The following LHFPL6 variants were observed in gnomAD, a reference collection of about 807,000 sequenced individuals.
LHFPL6 encodes the protein LHFPL tetraspan subfamily member 6.
LHFPL6 carries 9 observed loss-of-function variants against 20.6 expected under a neutral mutation model. The observed-to-expected ratio is 0.44, with a 90% CI of 0.26 to 0.76. The LOEUF (loss-of-function observed/expected upper bound fraction) is 0.76, where lower values mean the gene tolerates loss of function less well. Among genes scored for constraint, LHFPL6 ranks in the 30% least tolerant of loss-of-function variants. The pLI is 0.20. For missense variants in LHFPL6, 218 were observed against 253.5 expected, an observed-to-expected ratio of 0.86 and a Z score of 0.95; for synonymous variants, 105 against 98.7, an observed-to-expected ratio of 1.06 and a Z score of -0.38.
intron 3 of LHFPL6, among the ~76,000 whole-genome samples, chr13:39,352,800 C>A: frequency 1.5e-5 from 2 of 135,856 alleles, no homozygotes; most frequent in Admixed American, 7.6e-5. Context: ...GTTGAAGGAT[C>A]AGTAGAAAGA....
intron 3 of LHFPL6, among the ~76,000 whole-genome samples, chr13:39,368,050 G>C (rs1340913113): frequency 6.6e-6 from 1 of 152,202 alleles, no homozygotes; most frequent in East Asian, 1.9e-4. Context: ...ATCCAGCCAG[G>C]CATGGTGGCT....
chr13:39,419,487 G>C (rs1471238045), intron 2 of LHFPL6, among the ~76,000 whole-genome samples: 6 of 152,304 alleles, frequency 3.9e-5, no homozygotes, highest in Admixed American at 3.9e-4. Context: ...AAAGTGAAAA[G>C]CTTTATAACC....
At chr13:39,370,530 A>G (rs2138353255) in intron 3 of LHFPL6, among the ~76,000 whole-genome samples, 1 of 152,376 alleles carries the variant, frequency 6.6e-6, no homozygotes, top group East Asian at 1.9e-4. Context: ...CAACCTCCCA[A>G]ATAGCAATCT....
At chr13:39,551,965 A>T (rs1314809241) in intron 2 of LHFPL6, among the ~76,000 whole-genome samples, 4 of 152,164 alleles carry the variant, frequency 2.6e-5, no homozygotes, top group Non-Finnish European at 5.9e-5. Flanking sequence ...CTGAATAATG[A>T]CTCAGAATAT....
At chr13:39,390,820 C>T (rs1406664729) in intron 2 of LHFPL6, among the ~76,000 whole-genome samples, 3 of 152,030 alleles carry the variant, frequency 2.0e-5, no homozygotes, top group Non-Finnish European at 4.4e-5. Flanking sequence ...CATGGTGAAA[C>T]CCCATCTATA....
intron 2 of LHFPL6, among the ~76,000 whole-genome samples, chr13:39,469,872 T>C (rs1007910123): frequency 5.3e-5 from 8 of 152,212 alleles, no homozygotes; most frequent in African/African-American, 1.9e-4. Context: ...CAACCAGTTG[T>C]AGTCCCAGAG....
At chr13:39,595,074 A>G (rs1163548909) in intron 2 of LHFPL6, among the ~76,000 whole-genome samples, 1 of 152,152 alleles carries the variant, frequency 6.6e-6, no homozygotes, top group Non-Finnish European at 1.5e-5. Context: ...ATAGGTAACA[A>G]ACCTGCACGT....
chr13:39,591,460 T>G (rs1222400776), intron 2 of LHFPL6, among the ~76,000 whole-genome samples: 1 of 152,156 alleles, frequency 6.6e-6, no homozygotes, highest in African/African-American at 2.4e-5. Flanking sequence ...CAACAATAAA[T>G]GCATCTGTTC....
chr13:39,474,224 T>C (rs2138439308), intron 2 of LHFPL6, among the ~76,000 whole-genome samples: 1 of 152,344 alleles, frequency 6.6e-6, no homozygotes, highest in Middle Eastern at 3.4e-3. Flanking sequence ...TTAAGCAATA[T>C]CACTTTGGAA....
At chr13:39,520,230 T>G (rs1018609610) in intron 2 of LHFPL6, among the ~76,000 whole-genome samples, 12 of 152,110 alleles carry the variant, frequency 7.9e-5, no homozygotes, top group African/African-American at 2.9e-4. Flanking sequence ...GCCTCTACAC[T>G]GGAACAAACA....
At chr13:39,534,907 G>A (rs1870569057) in intron 2 of LHFPL6, among the ~76,000 whole-genome samples, 1 of 151,982 alleles carries the variant, frequency 6.6e-6, no homozygotes, top group Non-Finnish European at 1.5e-5. Flanking sequence ...CCATAAACTG[G>A]GTGTTTTAAA....
At chr13:39,425,508 T>C (rs576468925) in intron 2 of LHFPL6, among the ~76,000 whole-genome samples, 2 of 152,358 alleles carry the variant, frequency 1.3e-5, no homozygotes, top group East Asian at 3.9e-4. Flanking sequence ...TAGCAGTTTA[T>C]GAGAACTCCA....
intron 2 of LHFPL6, among the ~76,000 whole-genome samples, chr13:39,426,604 GC>G (rs1871644665): frequency 6.6e-6 from 1 of 151,988 alleles, no homozygotes; most frequent in African/African-American, 2.4e-5. Flanking sequence ...TTTGCTTCTG[GC>G]TTATTTCACT....
chr13:39,385,601 T>A (rs914999495), intron 2 of LHFPL6, among the ~76,000 whole-genome samples: 1 of 152,234 alleles, frequency 6.6e-6, no homozygotes, highest in Non-Finnish European at 1.5e-5. Flanking sequence ...TGATACTAAT[T>A]GTTTCTTTGA....
intron 2 of LHFPL6, among the ~76,000 whole-genome samples, chr13:39,571,911 C>A (rs767976327): frequency 6.6e-6 from 1 of 152,222 alleles, no homozygotes. Flanking sequence ...CCGGATCCTA[C>A]GCTCGCTTGC....
intron 2 of LHFPL6, among the ~76,000 whole-genome samples, chr13:39,474,925 AGAAG>A (rs1369108842): frequency 6.6e-6 from 1 of 152,210 alleles, no homozygotes; most frequent in African/African-American, 2.4e-5. Flanking sequence ...GATTCTTCAA[AGAAG>A]GATGTTGTTT....
In LHFPL6 at chr13:39,454,405, G is replaced by A. The variant is rs1195536934; in HGVS notation, c.386-75879C>T. 1.5e-4 allele frequency among the ~76,000 whole-genome samples: 5 copies of A among 33,142 alleles called. 1 individual carries two copies. The highest frequency in any genetic ancestry group is 2.5e-4 in the Non-Finnish European group (5 of 19,988). 21.7% of individuals were successfully genotyped at this position (33,142 alleles called of 152,430 possible). A position where few individuals can be genotyped will look rare whatever the true frequency, so the allele number is the denominator to read the frequency against. On this transcript the variant is annotated intron_variant, in intron 2 of 3. Transcript: ENST00000379589. ...AGCACTTTGGGAGGCCGAGGCGGGC[G>A]GATCATGAGGTCAGGAGATCGAGAC...
intron 2 of LHFPL6, among the ~76,000 whole-genome samples, chr13:39,569,154 GAC>G: frequency 1.5e-5 from 1 of 67,640 alleles, no homozygotes; most frequent in African/African-American, 6.6e-5. Context: ...TGGATGGACG[GAC>G]GGATGGATGG....
intron 3 of LHFPL6, among the ~76,000 whole-genome samples, chr13:39,349,894 G>A (rs1869512795): frequency 6.6e-6 from 1 of 152,194 alleles, no homozygotes; most frequent in Non-Finnish European, 1.5e-5. Flanking sequence ...GCTCAAGTAA[G>A]AGATGGATCC....
Sources: gnomAD v4.1 joint callset for allele counts (sites outside exome capture counted in the v4.1 genomes callset) on GRCh38, gnomAD v4.1.1 for gene constraint, MANE v1.5 for transcripts, NCBI Gene and HGNC (gene_info 2026-07-23, HGNC 2026-07-21) for gene names.